FRY: variants seen among roughly 807,000 people sequenced by gnomAD.
FRY encodes the protein protein furry homolog.
FRY carries 128 observed loss-of-function variants against 348.4 expected under a neutral mutation model. The ratio of observed to expected loss-of-function variants is 0.37; its 90% CI spans 0.32 to 0.43. FRY has a LOEUF of 0.43. Ranked by LOEUF, FRY falls within the 20% of genes least tolerant of loss-of-function variation. FRY has a pLI of 1.00. For synonymous variants in FRY, 1,370 were observed against 1,374.7 expected (o/e 1.00, Z 0.08); for missense variants, 2,736 against 3,695.2 (o/e 0.74, Z 6.73).
At chr13:32,162,675 G>T (rs1881518205) in intron 17 of FRY, among the ~76,000 whole-genome samples, 1 of 152,174 alleles carries the variant, frequency 6.6e-6, no homozygotes, top group South Asian at 2.1e-4. Flanking sequence ...TCAAAACCAT[G>T]ATTTCAAGCC....
At chr13:32,206,341 G>C (rs1884348558) in intron 31 of FRY, among the ~76,000 whole-genome samples, 1 of 152,194 alleles carries the variant, frequency 6.6e-6, no homozygotes, top group East Asian at 1.9e-4. Flanking sequence ...TTTAGAAGGA[G>C]AGAGTGAGCA....
chr13:32,170,431 A>G (rs1378821309), intron 17 of FRY, among the ~76,000 whole-genome samples: 1 of 152,238 alleles, frequency 6.6e-6, no homozygotes, highest in Non-Finnish European at 1.5e-5. Context: ...CCGTAGTTAT[A>G]TAAGATGTTA....
intron 14 of FRY, among the ~76,000 whole-genome samples, chr13:32,154,200 T>G (rs994671830): frequency 6.6e-6 from 1 of 152,116 alleles, no homozygotes; most frequent in African/African-American, 2.4e-5. Flanking sequence ...CCTAGAAACA[T>G]CTCATAAAAG....
At chr13:32,149,383 AT>A (rs1880657465) in intron 13 of FRY, among the ~76,000 whole-genome samples, 1 of 152,156 alleles carries the variant, frequency 6.6e-6, no homozygotes, top group African/African-American at 2.4e-5. Context: ...TTAAAAATAC[AT>A]TTTAAAGAGG....
At chr13:32,231,379 G>A (rs896871773) in intron 41 of FRY, 79 bp downstream of exon 41, 34 of 1,444,148 alleles carry the variant, frequency 2.4e-5, no homozygotes, top group African/African-American at 4.2e-5. Context: ...TGATTACAGC[G>A]CCTTAAAACG....
chr13:32,247,011 T>G (rs571336324), intron 47 of FRY, among the ~76,000 whole-genome samples: 2 of 151,584 alleles, frequency 1.3e-5, no homozygotes, highest in Middle Eastern at 3.2e-3. Context: ...TGTCATAAAA[T>G]GCATTGGGAG....
chr13:32,253,742 T>C (rs1178340248), intron 50 of FRY, among the ~76,000 whole-genome samples: 2 of 152,276 alleles, frequency 1.3e-5, no homozygotes. Context: ...TTTTTATTTC[T>C]TATCAATTGC....
At chr13:32,284,721 G>T (rs1888965511) in intron 58 of FRY, among the ~76,000 whole-genome samples, 1 of 152,162 alleles carries the variant, frequency 6.6e-6, no homozygotes, top group Admixed American at 6.5e-5. Context: ...TCATCATTAG[G>T]CTAGGTTATT....
chr13:32,193,591 C>T (rs1593721142), intron 28 of FRY, among the ~76,000 whole-genome samples: 7 of 130,278 alleles, frequency 5.4e-5, no homozygotes, highest in South Asian at 2.4e-4. Flanking sequence ...AGTCTTCGTC[C>T]TTTTTTTTTT....
At chr13:32,123,319 C>T (rs1051221567) in intron 4 of FRY, among the ~76,000 whole-genome samples, 1 of 152,174 alleles carries the variant, frequency 6.6e-6, no homozygotes, top group Non-Finnish European at 1.5e-5. Flanking sequence ...ACCACAACCA[C>T]GTGCTTCTAA....
At chr13:32,070,352 A>G (rs1296972901) in intron 1 of FRY, among the ~76,000 whole-genome samples, 1 of 152,100 alleles carries the variant, frequency 6.6e-6, no homozygotes, top group African/African-American at 2.4e-5. Flanking sequence ...AAGCGTTCCT[A>G]TTTCTCCACA....
intron 11 of FRY, among the ~76,000 whole-genome samples, chr13:32,139,892 A>G (rs139334530): frequency 2.6e-5 from 4 of 152,286 alleles, no homozygotes; most frequent in African/African-American, 9.6e-5. Context: ...ACTTGATTTA[A>G]TAGTACTTTT....
At position 32,155,681 on chromosome 13, in the gene FRY, T is replaced by G; in HGVS notation, c.1651+19T>G. 6.3e-7 allele frequency: 1 copy of G among 1,589,090 alleles called. No homozygotes were observed. The highest frequency in any genetic ancestry group is 1.1e-5 in the South Asian group (1 of 90,168). On this transcript the variant is annotated intron_variant, in intron 15 of 60. Transcript: ENST00000542859. ...ATGATAGGTGAGTTTCAGAAGTGCA[T>G]AAGAACTAAGCCTTATTAAGCCCTT...
intron 2 of FRY, among the ~76,000 whole-genome samples, chr13:32,093,322 T>G (rs973150409): frequency 6.6e-6 from 1 of 152,192 alleles, no homozygotes; most frequent in Non-Finnish European, 1.5e-5. Context: ...TAACAAAATA[T>G]TTGAGTCAGG....
chr13:32,053,596 A>C (rs1207564124), intron 1 of FRY, among the ~76,000 whole-genome samples: 1 of 152,236 alleles, frequency 6.6e-6, no homozygotes, highest in Non-Finnish European at 1.5e-5. Context: ...ATGGACTTAC[A>C]GGTCCATAAT....
At chr13:32,264,588 C>A (rs757443219) in intron 53 of FRY, among the ~76,000 whole-genome samples, 3 of 152,148 alleles carry the variant, frequency 2.0e-5, no homozygotes, top group Non-Finnish European at 4.4e-5. Flanking sequence ...TCCTAAAGAA[C>A]AATCAGTCCT....
At chr13:32,187,468 A>G (rs778767113) in intron 27 of FRY, 78 bp from the exon 28 acceptor site, 308 of 839,216 alleles carry the variant, frequency 3.7e-4, no homozygotes, top group Non-Finnish European at 5.3e-4. Context: ...TCTGACAATT[A>G]TGGTTTATAA....
intron 18 of FRY, 105 bp downstream of exon 18, chr13:32,171,375 G>A (rs1292174755): frequency 1.3e-5 from 12 of 941,442 alleles, no homozygotes; most frequent in South Asian, 1.6e-5. Context: ...GCAGTGGCGC[G>A]ATCTTGACTC....
chr13:32,175,181 T>C (rs1182283848), intron 19 of FRY, among the ~76,000 whole-genome samples: 1 of 152,236 alleles, frequency 6.6e-6, no homozygotes, highest in African/African-American at 2.4e-5. Context: ...TAGTTAGCAG[T>C]CTAACAAAGC....
Sources: allele counts gnomAD v4.1 joint callset (sites outside exome capture counted in the v4.1 genomes callset), GRCh38; gene constraint gnomAD v4.1.1; transcripts MANE v1.5; gene names NCBI Gene and HGNC (gene_info 2026-07-23, HGNC 2026-07-21).